Variants in RFX6 observed in about 807,000 individuals in gnomAD.
The protein encoded by RFX6 is DNA-binding protein RFX6.
In RFX6, 50 loss-of-function variants were observed where a neutral mutation model predicts 110.8. The ratio of observed to expected loss-of-function variants is 0.45; its 90% CI spans 0.36 to 0.57. The LOEUF is 0.57. RFX6 is among the 20% of genes least tolerant of loss of function. The pLI is 0.00. For synonymous variants in RFX6, 383 were observed against 411.2 expected (o/e 0.93, Z 0.83); for missense variants, 990 against 1,127.0 (o/e 0.88, Z 1.74).
At chr6:116,895,393 A>C (rs979125236) in intron 6 of RFX6, among the ~76,000 whole-genome samples, 186 bp downstream of exon 6, 1 of 152,158 alleles carries the variant, frequency 6.6e-6, no homozygotes, top group Non-Finnish European at 1.5e-5. Flanking sequence ...GCATGGATCT[A>C]CCAAACAACT....
chr6:116,891,361 C>T (rs879806426), intron 4 of RFX6, among the ~76,000 whole-genome samples: 25 of 152,090 alleles, frequency 1.6e-4, no homozygotes, highest in African/African-American at 5.1e-4. Flanking sequence ...CATTTTACCA[C>T]GCTGAAAAGA....
intron 17 of RFX6, among the ~76,000 whole-genome samples, chr6:116,927,761 T>TG (rs1443355047): frequency 6.7e-6 from 1 of 150,040 alleles, no homozygotes; most frequent in African/African-American, 2.5e-5. Flanking sequence ...TTTTTTTTTT[T>TG]TGAGACAAGG....
intron 6 of RFX6, among the ~76,000 whole-genome samples, chr6:116,895,447 A>G (rs558014094): frequency 2.0e-5 from 3 of 152,162 alleles, no homozygotes; most frequent in Admixed American, 1.3e-4. Flanking sequence ...ATCTTTACCT[A>G]ATATCAGATA....
intron 12 of RFX6, among the ~76,000 whole-genome samples, chr6:116,921,321 C>G (rs1775589792): frequency 6.6e-6 from 1 of 152,124 alleles, no homozygotes; most frequent in Non-Finnish European, 1.5e-5. Context: ...GTAAATGGCT[C>G]AATTCTGCTG....
At chr6:116,897,805 A>C (rs1198129227) in intron 6 of RFX6, among the ~76,000 whole-genome samples, 1 of 152,164 alleles carries the variant, frequency 6.6e-6, no homozygotes, top group Admixed American at 6.5e-5. Flanking sequence ...TAAAAAGATA[A>C]GGGGTTTAAT....
intron 12 of RFX6, among the ~76,000 whole-genome samples, chr6:116,921,738 A>T (rs1379894919): frequency 6.6e-6 from 1 of 151,160 alleles, no homozygotes; most frequent in Non-Finnish European, 1.5e-5. Context: ...CAGGAGGGTC[A>T]CTTGAGCCCA....
intron 7 of RFX6, among the ~76,000 whole-genome samples, chr6:116,915,800 C>T (rs1775449283): frequency 6.6e-6 from 1 of 151,848 alleles, no homozygotes. Flanking sequence ...TCATATTATA[C>T]TGTAGTTGTC....
intron 6 of RFX6, among the ~76,000 whole-genome samples, chr6:116,900,048 A>C (rs1775032508): frequency 6.6e-6 from 1 of 152,190 alleles, no homozygotes; most frequent in Non-Finnish European, 1.5e-5. Context: ...GTACCAAATA[A>C]ACAAAAATTA....
In RFX6 at chr6:116,919,288, C is replaced by G; in HGVS notation, c.1174C>G (p.Leu392Val). ...GAAACGACAAACATCTTTCTTACAT[C>G]TTGCCCAGGTATGTTGGTTGCTAAG... ...SLKRQTSFLH[L>V]AQIARPALFD... Residue 392 changes from leucine (L) to valine (V), a missense_variant, in exon 11 of 19, where the codon CTT (leucine) becomes GTT (valine). This residue lies in a region of RFX6 where 243 missense variants were observed against 353.1 expected (regional missense o/e 0.69). Transcript: ENST00000332958. 6.2e-7 allele frequency: 1 copy of G among 1,613,174 alleles called. No individual in the cohort carries two copies. The highest frequency in any genetic ancestry group is 8.5e-7 in the Non-Finnish European group (1 of 1,179,278).
In RFX6 at chr6:116,908,926, G is replaced by A. The variant is rs555258008; in HGVS notation, c.673-2009G>A. On this transcript the variant is annotated intron_variant, in intron 6 of 18. Coordinates refer to ENST00000332958, the MANE Select transcript of RFX6 (RefSeq NM_173560.4). ...ACTGTCTTTAGTAATAAGTGAAATT[G>A]AAATATAATTTTTCTTTTTCTGTTC... 3.3e-5 allele frequency among the ~76,000 whole-genome samples: 5 copies of A among 152,082 alleles called. No homozygotes were observed. In the East Asian group the frequency reaches 9.7e-4, roughly 29 times the overall value.
At chr6:116,909,787 C>A (rs1254784858) in intron 6 of RFX6, among the ~76,000 whole-genome samples, 50 of 120,126 alleles carry the variant, frequency 4.2e-4, no homozygotes, top group Non-Finnish European at 3.9e-4. Flanking sequence ...TGCTCTGTCA[C>A]CCAGGCTGGA....
intron 16 of RFX6, among the ~76,000 whole-genome samples, chr6:116,925,883 T>C (rs1419669044): frequency 4.1e-5 from 6 of 144,682 alleles, no homozygotes; most frequent in Non-Finnish European, 9.1e-5. Context: ...TAAATTATAT[T>C]AGAAGTATGA....
chr6:116,913,517 C>T (rs758275943), intron 7 of RFX6, among the ~76,000 whole-genome samples: 27 of 152,172 alleles, frequency 1.8e-4, no homozygotes, highest in Non-Finnish European at 1.5e-4. Flanking sequence ...GGAGCTAAGC[C>T]TTGCCTCTGC....
At chr6:116,931,188 C>T (rs1156949714) in intron 18 of RFX6, 143 bp from the exon 19 acceptor site, 2 of 708,660 alleles carry the variant, frequency 2.8e-6, no homozygotes, top group Non-Finnish European at 5.1e-6. Context: ...AATGATTGCT[C>T]TGGTAAACCA....
At chr6:116,877,603 G>C (rs1774491061) in intron 1 of RFX6, 105 bp downstream of exon 1, 2 of 1,089,406 alleles carry the variant, frequency 1.8e-6, no homozygotes, top group African/African-American at 1.6e-5. Flanking sequence ...GGCAGATATA[G>C]AATGTTCTGT....
chr6:116,880,389 G>T (rs1267289510), intron 2 of RFX6, among the ~76,000 whole-genome samples, 155 bp from the exon 3 acceptor site: 1 of 151,872 alleles, frequency 6.6e-6, no homozygotes, highest in African/African-American at 2.4e-5. Flanking sequence ...CTTATAATTT[G>T]ATTTTTAAAA....
chr6:116,879,112 T>G (rs1387043834), intron 2 of RFX6, among the ~76,000 whole-genome samples: 1 of 151,918 alleles, frequency 6.6e-6, no homozygotes, highest in Admixed American at 6.6e-5. Context: ...GAATGATTAC[T>G]CCATTTTTTC....
intron 11 of RFX6, among the ~76,000 whole-genome samples, chr6:116,919,707 A>G (rs1297768990): frequency 6.6e-6 from 1 of 152,214 alleles, no homozygotes; most frequent in African/African-American, 2.4e-5. Context: ...GTGAGAAGTA[A>G]GCCTGTGTGA....
At chr6:116,882,233 C>G (rs1166673475) in intron 3 of RFX6, 134 bp from the exon 4 acceptor site, 1 of 712,964 alleles carries the variant, frequency 1.4e-6, no homozygotes, top group African/African-American at 1.8e-5. Flanking sequence ...TAAGTTATTA[C>G]TTTTTCCAGA....
Sources: gnomAD v4.1 joint callset for allele counts (sites outside exome capture counted in the v4.1 genomes callset) on GRCh38, gnomAD v4.1.1 for gene constraint, gnomAD v4.1.1 regional missense constraint, MANE v1.5 for transcripts, NCBI Gene and HGNC (gene_info 2026-07-23, HGNC 2026-07-21) for gene names.